CAMKMT: variants seen among roughly 807,000 people sequenced by gnomAD.
The protein encoded by CAMKMT is calmodulin-lysine N-methyltransferase, also known as CaM KMT.
A neutral mutation model predicts 48.0 loss-of-function variants in CAMKMT; 53 were observed. The ratio of observed to expected loss-of-function variants is 1.10; its 90% CI spans 0.89 to 1.39. The LOEUF (loss-of-function observed/expected upper bound fraction) is 1.39, where lower values mean the gene tolerates loss of function less well. Among genes scored for constraint, CAMKMT ranks in the 40% most tolerant of loss-of-function variants. The pLI is 0.00. For synonymous variants in CAMKMT, 165 were observed against 152.3 expected (o/e 1.08, Z -0.61); for missense variants, 428 against 402.7 (o/e 1.06, Z -0.54).
At chr2:44,763,985 C>T (rs1488692482) in intron 9 of CAMKMT, among the ~76,000 whole-genome samples, 1 of 151,960 alleles carries the variant, frequency 6.6e-6, no homozygotes, top group Non-Finnish European at 1.5e-5. Flanking sequence ...AGAATGGCAA[C>T]CAGCTCTTAG....
At chr2:44,572,633 T>C (rs1026093571) in intron 3 of CAMKMT, among the ~76,000 whole-genome samples, 2 of 152,172 alleles carry the variant, frequency 1.3e-5, no homozygotes, top group African/African-American at 4.8e-5. Context: ...GCTTTAATTT[T>C]TTGGGGTCTA....
chr2:44,454,607 A>G (rs1490014122), intron 3 of CAMKMT, among the ~76,000 whole-genome samples: 1 of 152,108 alleles, frequency 6.6e-6, no homozygotes, highest in African/African-American at 2.4e-5. Context: ...TTGAAGTAGG[A>G]TAATAAAACA....
chr2:44,549,174 A>C (rs564884203), intron 3 of CAMKMT, among the ~76,000 whole-genome samples: 2 of 152,014 alleles, frequency 1.3e-5, no homozygotes, highest in Non-Finnish European at 2.9e-5. Flanking sequence ...AAAATGTTCT[A>C]TATTCATTTG....
intron 3 of CAMKMT, among the ~76,000 whole-genome samples, chr2:44,431,171 T>C (rs1387439567): frequency 6.6e-6 from 1 of 152,208 alleles, no homozygotes; most frequent in Non-Finnish European, 1.5e-5. Flanking sequence ...TAAGTATATA[T>C]ATTTTTTCTA....
intron 3 of CAMKMT, among the ~76,000 whole-genome samples, chr2:44,665,005 C>G (rs777505120): frequency 2.4e-4 from 37 of 152,170 alleles, no homozygotes; most frequent in Admixed American, 4.6e-4. Flanking sequence ...TATAGTTGGT[C>G]TAGTATGGGA....
At chr2:44,714,136 G>A (rs1558813112) in intron 6 of CAMKMT, among the ~76,000 whole-genome samples, 2 of 152,264 alleles carry the variant, frequency 1.3e-5, no homozygotes, top group African/African-American at 2.4e-5. Flanking sequence ...AGGAATAGAG[G>A]TCAGTAGAGA....
At chr2:44,704,570 G>T (rs1305533334) in intron 4 of CAMKMT, among the ~76,000 whole-genome samples, 1 of 150,352 alleles carries the variant, frequency 6.7e-6, no homozygotes, top group African/African-American at 2.5e-5. Context: ...GCACAGCAAG[G>T]TTTTTGCTAT....
At chr2:44,727,258 A>G (rs1196972313) in intron 7 of CAMKMT, among the ~76,000 whole-genome samples, 1 of 152,130 alleles carries the variant, frequency 6.6e-6, no homozygotes, top group Non-Finnish European at 1.5e-5. Context: ...TGAGCCTGGA[A>G]TGTTTTTCCA....
At chr2:44,438,980 G>A (rs1249766064) in intron 3 of CAMKMT, among the ~76,000 whole-genome samples, 1 of 152,060 alleles carries the variant, frequency 6.6e-6, no homozygotes, top group Admixed American at 6.5e-5. Context: ...AGTGTCCTGT[G>A]CACCCTTCTC....
rs537483726 is a variant in CAMKMT at position 44,377,287 on chromosome 2, G to C, written c.311+4399G>C. Among the ~76,000 whole-genome samples, 10 of 152,266 alleles carry C rather than the reference G, an allele frequency of 6.6e-5. No homozygotes were observed. In the East Asian group the frequency reaches 1.9e-3, roughly 29 times the overall value. On this transcript the variant is annotated intron_variant, in intron 2 of 10. Coordinates refer to ENST00000378494, the MANE Select transcript of CAMKMT (RefSeq NM_024766.5). ...CTCCCAAAGTGCTGGGATTACAGGC[G>C]TAAGCCACTATGCCTGGACTTTGGT...
intron 3 of CAMKMT, among the ~76,000 whole-genome samples, chr2:44,423,909 A>G (rs1684096923): frequency 6.6e-6 from 1 of 152,002 alleles, no homozygotes; most frequent in Non-Finnish European, 1.5e-5. Context: ...TTATCATGGT[A>G]TTTCTTGATT....
At chr2:44,639,659 A>G (rs1271453216) in intron 3 of CAMKMT, among the ~76,000 whole-genome samples, 3 of 152,174 alleles carry the variant, frequency 2.0e-5, no homozygotes, top group African/African-American at 7.2e-5. Flanking sequence ...ATGTCATTGG[A>G]ACAACTTTCA....
chr2:44,645,746 G>A (rs781307492), intron 3 of CAMKMT, among the ~76,000 whole-genome samples: 3 of 152,086 alleles, frequency 2.0e-5, no homozygotes, highest in Non-Finnish European at 2.9e-5. Flanking sequence ...GCTTAAACCT[G>A]GGAGGCGGAG....
intron 3 of CAMKMT, among the ~76,000 whole-genome samples, chr2:44,528,796 G>A (rs1666310100): frequency 6.6e-6 from 1 of 151,974 alleles, no homozygotes; most frequent in African/African-American, 2.4e-5. Flanking sequence ...CATCTCTGTG[G>A]TATTTAATGC....
intron 3 of CAMKMT, among the ~76,000 whole-genome samples, chr2:44,539,679 C>G (rs752643464): frequency 6.6e-6 from 1 of 152,086 alleles, no homozygotes; most frequent in Non-Finnish European, 1.5e-5. Flanking sequence ...TTTCTTTGGT[C>G]TCTTTTGCCA....
intron 3 of CAMKMT, among the ~76,000 whole-genome samples, chr2:44,441,358 C>A (rs890540745): frequency 1.3e-5 from 2 of 152,100 alleles, no homozygotes; most frequent in Admixed American, 1.3e-4. Context: ...TCTAGGATAA[C>A]AAGTGAGTTA....
chr2:44,427,112 C>T (rs1684326997), intron 3 of CAMKMT, among the ~76,000 whole-genome samples: 1 of 152,116 alleles, frequency 6.6e-6, no homozygotes, highest in Non-Finnish European at 1.5e-5. Flanking sequence ...TAACCATATG[C>T]AGAAGAATGA....
At chr2:44,496,870 G>A (rs150929605) in intron 3 of CAMKMT, among the ~76,000 whole-genome samples, 1 of 152,124 alleles carries the variant, frequency 6.6e-6, no homozygotes, top group Non-Finnish European at 1.5e-5. Flanking sequence ...TTACTTGTAG[G>A]TAAAAACGTT....
At chr2:44,441,424 A>G (rs1317406202) in intron 3 of CAMKMT, among the ~76,000 whole-genome samples, 1 of 152,172 alleles carries the variant, frequency 6.6e-6, no homozygotes, top group Non-Finnish European at 1.5e-5. Context: ...CAAGCTTGCA[A>G]ATAGAGGAGT....
Sources: allele counts gnomAD v4.1 joint callset (sites outside exome capture counted in the v4.1 genomes callset), GRCh38; gene constraint gnomAD v4.1.1; transcripts MANE v1.5; gene names NCBI Gene and HGNC (gene_info 2026-07-23, HGNC 2026-07-21).